SEC14L1: variants seen among roughly 807,000 people sequenced by gnomAD.
The protein encoded by SEC14L1 is SEC14 like lipid binding 1.
SEC14L1 carries 48 observed loss-of-function variants against 85.3 expected under a neutral mutation model. That is an observed-to-expected ratio of 0.56 (90% CI 0.45 to 0.72). SEC14L1 has a LOEUF of 0.72. Ranked by LOEUF, SEC14L1 falls within the 30% of genes least tolerant of loss-of-function variation. The probability of loss-of-function intolerance (pLI) is 0.00; values close to 1 mark genes in which losing one functional copy is unlikely to be tolerated. For missense variants in SEC14L1, 682 were observed against 921.4 expected, an observed-to-expected ratio of 0.74 and a Z score of 3.36; for synonymous variants, 391 against 355.5, an observed-to-expected ratio of 1.10 and a Z score of -1.12.
Position 77,209,435 on chromosome 17 carries a change from A to C in SEC14L1, c.1570A>C (p.Ile524Leu). 1 of 1,614,224 alleles carries C rather than the reference A, an allele frequency of 6.2e-7. No individual in the cohort carries two copies. The highest frequency in any genetic ancestry group is 8.5e-7 in the Non-Finnish European group (1 of 1,180,048). ...AGACCTGAAGCTCTGGACTGAGACCATCTACCAGTCTGCAAGCGTCTTCAA... is the reference window on the plus strand; with the variant it reads ...AGACCTGAAGCTCTGGACTGAGACCCTCTACCAGTCTGCAAGCGTCTTCAA... ...NEDLKLWTET[I>L]YQSASVFKGA... Residue 524 changes from isoleucine to leucine, a missense_variant, in exon 14 of 17, where the codon ATC becomes CTC. Physicochemically the swap from Ile to Leu is conservative, Grantham distance 5. Transcript: ENST00000436233.
chr17:77,153,232 A>G (rs1280185903), intron 3 of SEC14L1, among the ~76,000 whole-genome samples: 1 of 152,094 alleles, frequency 6.6e-6, no homozygotes, highest in Non-Finnish European at 1.5e-5. Context: ...ACGCCCGGCT[A>G]ATTTTTGTAT....
intron 9 of SEC14L1, among the ~76,000 whole-genome samples, chr17:77,202,945 AAAAAAAACAGAGTAG>A (rs1336510912): frequency 6.6e-6 from 1 of 151,694 alleles, no homozygotes; most frequent in African/African-American, 2.4e-5. Context: ...ATAAAAAAAA[AAAAAAAACAGAGTAG>A]AGCCAACACA....
chr17:77,173,737 T>G (rs550223017), intron 3 of SEC14L1, among the ~76,000 whole-genome samples: 2 of 152,330 alleles, frequency 1.3e-5, no homozygotes, highest in East Asian at 3.9e-4. Context: ...TTTTCTTATT[T>G]TTAGTCCTTT....
At chr17:77,115,674 A>C (rs995521211) in intron 3 of SEC14L1, among the ~76,000 whole-genome samples, 1 of 152,104 alleles carries the variant, frequency 6.6e-6, no homozygotes, top group Non-Finnish European at 1.5e-5. Flanking sequence ...TTACATTGTG[A>C]GTTGTTGCAA....
At chr17:77,176,252 T>C (rs1974752108) in intron 3 of SEC14L1, among the ~76,000 whole-genome samples, 1 of 151,848 alleles carries the variant, frequency 6.6e-6, no homozygotes, top group South Asian at 2.1e-4. Flanking sequence ...ATCATGCTAT[T>C]ACACTCCAGC....
chr17:77,201,369 C>T (rs187997684), intron 9 of SEC14L1, among the ~76,000 whole-genome samples: 7 of 152,212 alleles, frequency 4.6e-5, no homozygotes, highest in East Asian at 1.9e-4. Context: ...CTTGCAGAAC[C>T]GAGCAGCTCA....
intron 3 of SEC14L1, among the ~76,000 whole-genome samples, chr17:77,150,716 T>C (rs955910325): frequency 2.0e-5 from 3 of 152,224 alleles, no homozygotes; most frequent in African/African-American, 7.2e-5. Context: ...GTCGTTCCTC[T>C]GGTTGGTTGG....
intron 3 of SEC14L1, among the ~76,000 whole-genome samples, chr17:77,123,970 C>T (rs1376048733): frequency 1.3e-5 from 2 of 152,176 alleles, no homozygotes; most frequent in Non-Finnish European, 2.9e-5. Context: ...TGCTGTGTTT[C>T]GAAGCCCTGT....
At chr17:77,168,958 C>T (rs1974407496) in intron 3 of SEC14L1, among the ~76,000 whole-genome samples, 2 of 150,662 alleles carry the variant, frequency 1.3e-5, no homozygotes, top group African/African-American at 4.9e-5. Flanking sequence ...TTGTGGGACC[C>T]CAGTAGCAGC....
At position 77,108,802 on chromosome 17, in the gene SEC14L1, AAAAG is replaced by A. The variant is rs1401511089; in HGVS notation, c.-136+15458_-136+15461del. Reference sequence around the variant, plus strand: ...TCTCTGTCTCCAAAAAAAAAAAAAAAAAAGAATGTATATGTCATCTGTTTCTTTT... The same window carrying A: ...TCTCTGTCTCCAAAAAAAAAAAAAAAAATGTATATGTCATCTGTTTCTTTT... On this transcript the variant is annotated intron_variant, in intron 3 of 19. Transcript: ENST00000392476. Among the ~76,000 whole-genome samples, 8 of 149,958 alleles carry A rather than the reference AAAAG, an allele frequency of 5.3e-5. No homozygotes were observed. The East Asian group carries it at 1.4e-3, about 26-fold the overall frequency.
At chr17:77,189,913 C>T (rs1287135048) in intron 3 of SEC14L1, among the ~76,000 whole-genome samples, 4 of 152,234 alleles carry the variant, frequency 2.6e-5, no homozygotes, top group African/African-American at 9.6e-5. Context: ...CAAGCGTGAG[C>T]CACCGCGCCC....
chr17:77,134,577 CA>C (rs1972731553), intron 3 of SEC14L1, among the ~76,000 whole-genome samples: 1 of 151,832 alleles, frequency 6.6e-6, no homozygotes, highest in African/African-American at 2.4e-5. Context: ...ACAAAAAATA[CA>C]AAAATTAGGC....
intron 3 of SEC14L1, among the ~76,000 whole-genome samples, chr17:77,148,635 A>G (rs776124090): frequency 6.6e-6 from 1 of 152,058 alleles, no homozygotes; most frequent in Non-Finnish European, 1.5e-5. Context: ...TCAGGAACCA[A>G]GGCACCTGGT....
At chr17:77,172,353 T>A (rs932783725) in intron 3 of SEC14L1, among the ~76,000 whole-genome samples, 3 of 152,214 alleles carry the variant, frequency 2.0e-5, no homozygotes, top group African/African-American at 7.2e-5. Context: ...TAAAGTGGCC[T>A]ATTTTTCCAC....
chr17:77,098,950 T>G (rs1430800153), intron 3 of SEC14L1: 1 of 152,218 alleles, frequency 6.6e-6, no homozygotes, highest in Non-Finnish European at 1.5e-5. Flanking sequence ...GAAGCCTGTT[T>G]GGGTTTGATG....
At position 77,213,860 on chromosome 17, in the gene SEC14L1, G is replaced by A. The variant is rs192820707; in HGVS notation, c.2043-58G>A. On this transcript the variant is annotated intron_variant, in intron 16 of 16. Coordinates refer to ENST00000436233, the MANE Select transcript of SEC14L1 (RefSeq NM_001143998.2). This position sits in a 1 kb window ranked among gnomAD's most constrained non-coding sequence, Gnocchi z 7.1. ...CCACGAAGTCCAGCAGGCAGTGTGG[G>A]CCGGCGGGTGGTTGGCAGGGTGGTC... 8.3e-4 allele frequency: 1,330 copies of A among 1,598,880 alleles called. 9 individuals are homozygous for A. In the African/African-American group the frequency reaches 0.016, roughly 20 times the overall value.
chr17:77,122,056 T>C (rs1307451596), intron 3 of SEC14L1, among the ~76,000 whole-genome samples: 1 of 152,194 alleles, frequency 6.6e-6, no homozygotes, highest in Non-Finnish European at 1.5e-5. Flanking sequence ...ATTCCCAGAA[T>C]AGATGACAAA....
chr17:77,155,822 G>A (rs1973787430), intron 3 of SEC14L1, among the ~76,000 whole-genome samples: 1 of 152,004 alleles, frequency 6.6e-6, no homozygotes, highest in African/African-American at 2.4e-5. Context: ...TGCAGCCTCC[G>A]CCTCTCTCCT....
intron 5 of SEC14L1, among the ~76,000 whole-genome samples, chr17:77,192,669 T>A (rs1368161229): frequency 6.6e-6 from 1 of 151,906 alleles, no homozygotes; most frequent in Non-Finnish European, 1.5e-5. Flanking sequence ...CAGGCTTTTT[T>A]TTTTTTCTTC....
Sources: allele counts gnomAD v4.1 joint callset (sites outside exome capture counted in the v4.1 genomes callset), GRCh38; gene constraint gnomAD v4.1.1; non-coding constraint Gnocchi (gnomAD v3.1); transcripts MANE v1.5; gene names NCBI Gene and HGNC (gene_info 2026-07-23, HGNC 2026-07-21).